The following LHFPL2 variants were observed in gnomAD, a reference collection of about 807,000 sequenced individuals.
LHFPL2 encodes LHFPL tetraspan subfamily member 2.
LHFPL2 carries 7 observed loss-of-function variants against 17.5 expected under a neutral mutation model. That is an observed-to-expected ratio of 0.40 (90% CI 0.23 to 0.75). The LOEUF is 0.75. Ranked by LOEUF, LHFPL2 falls within the 30% of genes least tolerant of loss-of-function variation. The probability of loss-of-function intolerance (pLI) is 0.37; values close to 1 mark genes in which losing one functional copy is unlikely to be tolerated. For synonymous variants in LHFPL2, 134 were observed against 116.2 expected, an observed-to-expected ratio of 1.15 and a Z score of -0.99; for missense variants, 241 against 294.8, an observed-to-expected ratio of 0.82 and a Z score of 1.34.
Position 78,487,368 on chromosome 5 carries a change from T to G in LHFPL2, c.*1529A>C, listed in dbSNP as rs1490142913. 1.3e-5 allele frequency: 2 copies of G among 152,232 alleles called. No homozygotes were observed. Among genetic ancestry groups the G allele is most frequent in the Admixed American group, 6.5e-5 (1 of 15,280 alleles). The allele number at this position is 152,232 out of a possible 1,614,324, so 9.4% of individuals were successfully genotyped here. ...TGCAAACTCTGAAGTCAGGGTTGTA[T>G]AGCTGGTAGCACAATACCTTGTCCA... On this transcript the variant is annotated 3_prime_UTR_variant, in exon 5 of 5. Transcript: ENST00000380345.
At position 78,487,575 on chromosome 5, in the gene LHFPL2, GC is replaced by G. The variant is rs1245647456; in HGVS notation, c.*1321del. 6.6e-6 allele frequency: 1 copy of G among 152,122 alleles called. No individual in the cohort carries two copies. The highest frequency in any genetic ancestry group is 1.9e-4 in the East Asian group (1 of 5,190). The allele number at this position is 152,122 out of a possible 1,614,324, so 9.4% of individuals were successfully genotyped here. A position where few individuals can be genotyped will look rare whatever the true frequency, so the allele number is the denominator to read the frequency against. On this transcript the variant is annotated 3_prime_UTR_variant, in exon 5 of 5. Transcript: ENST00000380345. The stretch of plus-strand genomic sequence containing the variant: ...TAATGTCAGAGTAGCTTGTTTCTGT[GC>G]TGCTCTGGTCATTCTGAGATACTAT...
intron 4 of LHFPL2, among the ~76,000 whole-genome samples, chr5:78,491,833 G>C (rs950458591): frequency 6.6e-6 from 1 of 152,200 alleles, no homozygotes; most frequent in Non-Finnish European, 1.5e-5. Context: ...CTCTCACACA[G>C]AAGCAGATCA....
At chr5:78,583,796 G>A (rs1171285026) in intron 2 of LHFPL2, among the ~76,000 whole-genome samples, 68 of 143,794 alleles carry the variant, frequency 4.7e-4, no homozygotes, top group Middle Eastern at 3.5e-3. Flanking sequence ...TCTTTGTGGC[G>A]TTCTCTGTAT....
chr5:78,555,766 G>A (rs1304120275), intron 3 of LHFPL2, among the ~76,000 whole-genome samples: 1 of 152,196 alleles, frequency 6.6e-6, no homozygotes, highest in Non-Finnish European at 1.5e-5. Context: ...AGAGTGGGCT[G>A]GAAAAGCCAG....
chr5:78,518,445 T>C (rs1446289415), intron 3 of LHFPL2, among the ~76,000 whole-genome samples: 1 of 152,238 alleles, frequency 6.6e-6, no homozygotes, highest in Admixed American at 6.5e-5. Flanking sequence ...TTTCTCCATT[T>C]ATTAACTAGA....
intron 2 of LHFPL2, among the ~76,000 whole-genome samples, chr5:78,577,566 C>A (rs746959262): frequency 1.5e-4 from 23 of 152,256 alleles, no homozygotes; most frequent in African/African-American, 5.5e-4. Flanking sequence ...GGCTATCTGC[C>A]GTACACGGGT....
chr5:78,606,727 T>G (rs10051077), intron 2 of LHFPL2, among the ~76,000 whole-genome samples: 1 of 151,968 alleles, frequency 6.6e-6, no homozygotes, highest in African/African-American at 2.4e-5. Flanking sequence ...CAGGCTGGAG[T>G]GCAATGGCGT....
In LHFPL2 at chr5:78,489,077, A is replaced by G. The variant is rs2112282114; in HGVS notation, c.507T>C (p.His169=). ...CTCCAGGTTTGTAGGCAGATGCATA[A>G]TGTCCACAGTAGTCTATGGCCTTCT... is the stretch of plus-strand genomic sequence containing the variant. ...GCQKAIDYCG[H]YASAYKPGDC... The change falls in exon 5 of 5, where the codon CAT becomes CAC. Residue 169 remains histidine (H), a synonymous_variant. Coordinates refer to ENST00000380345, the MANE Select transcript of LHFPL2 (RefSeq NM_005779.3). 6.2e-7 allele frequency: 1 copy of G among 1,614,228 alleles called. No individual in the cohort carries two copies. The highest frequency in any genetic ancestry group is 1.1e-5 in the South Asian group (1 of 91,086).
chr5:78,647,670 C>T (rs1327073029), intron 1 of LHFPL2, among the ~76,000 whole-genome samples: 2 of 152,100 alleles, frequency 1.3e-5, no homozygotes, highest in South Asian at 2.1e-4. Flanking sequence ...GGGGATAGGA[C>T]TTTGTCTTTA....
At chr5:78,508,968 AT>A (rs1308220833) in intron 4 of LHFPL2, among the ~76,000 whole-genome samples, 1 of 152,210 alleles carries the variant, frequency 6.6e-6, no homozygotes, top group Non-Finnish European at 1.5e-5. Context: ...ACCTAGACAG[AT>A]TGTTACCCCA....
intron 2 of LHFPL2, among the ~76,000 whole-genome samples, chr5:78,600,065 G>A (rs909313481): frequency 2.6e-5 from 4 of 151,906 alleles, no homozygotes; most frequent in African/African-American, 4.8e-5. Flanking sequence ...CAAGAAAGCC[G>A]GGGAGATCAA....
chr5:78,616,344 A>G (rs543033395), intron 2 of LHFPL2, among the ~76,000 whole-genome samples: 53 of 151,826 alleles, frequency 3.5e-4, no homozygotes, highest in South Asian at 8.4e-4. Flanking sequence ...AGCCAGGATG[A>G]TCTCGATCTG....
intron 3 of LHFPL2, among the ~76,000 whole-genome samples, chr5:78,537,895 T>A (rs1755997793): frequency 6.6e-6 from 1 of 152,224 alleles, no homozygotes; most frequent in African/African-American, 2.4e-5. Context: ...TTCTGACTTT[T>A]AGGGGAAACC....
chr5:78,637,541 C>T (rs1381476284), intron 1 of LHFPL2, among the ~76,000 whole-genome samples: 1 of 152,184 alleles, frequency 6.6e-6, no homozygotes, highest in African/African-American at 2.4e-5. Context: ...GCTGAGGGCT[C>T]GCAGTCTCAT....
At chr5:78,511,823 A>C (rs1417814199) in intron 3 of LHFPL2, among the ~76,000 whole-genome samples, 2 of 152,186 alleles carry the variant, frequency 1.3e-5, no homozygotes, top group African/African-American at 4.8e-5. Flanking sequence ...TTGGGGACAC[A>C]GCTAGTGCAC....
At position 78,489,158 on chromosome 5, in the gene LHFPL2, A is replaced by G. The variant is rs116073241; in HGVS notation, c.431-5T>C. 1.1e-3 allele frequency: 1,698 copies of G among 1,613,662 alleles called. 18 individuals carry two copies. The African/African-American group carries it at 0.02, about 19-fold the overall frequency. ...AACCGAGGATAAGGAATAGACCTGC[A>G]GAACAAAAGAGAAAACAGATTAGAA... On this transcript the variant is annotated splice_region_variant and splice_polypyrimidine_tract_variant and intron_variant, in intron 4 of 4. Transcript: ENST00000380345.
At chr5:78,587,096 T>C (rs1264755002) in intron 2 of LHFPL2, among the ~76,000 whole-genome samples, 5 of 152,230 alleles carry the variant, frequency 3.3e-5, no homozygotes, top group Non-Finnish European at 5.9e-5. Flanking sequence ...GTATTTCTTA[T>C]AGTCAGTCAT....
intron 3 of LHFPL2, among the ~76,000 whole-genome samples, chr5:78,512,095 TATC>T (rs1288346115): frequency 2.0e-5 from 3 of 152,088 alleles, no homozygotes; most frequent in African/African-American, 7.2e-5. Flanking sequence ...GCTCAACAAA[TATC>T]AACTCCCTGC....
intron 3 of LHFPL2, among the ~76,000 whole-genome samples, chr5:78,519,578 T>C (rs1437207985): frequency 2.6e-5 from 4 of 152,192 alleles, no homozygotes; most frequent in Non-Finnish European, 5.9e-5. Flanking sequence ...AGTAGTGACC[T>C]TAGGTGAAAT....
Sources: allele counts gnomAD v4.1 joint callset (sites outside exome capture counted in the v4.1 genomes callset), GRCh38; gene constraint gnomAD v4.1.1; transcripts MANE v1.5; gene names NCBI Gene and HGNC (gene_info 2026-07-23, HGNC 2026-07-21).